The following AGBL4 variants were observed in gnomAD, a reference collection of about 807,000 sequenced individuals.
AGBL4 encodes AGBL carboxypeptidase 4.
Under a neutral mutation model 66.4 loss-of-function variants are expected in AGBL4, and 58 were observed. That is an observed-to-expected ratio of 0.87 (90% CI 0.71 to 1.09). AGBL4 has a LOEUF of 1.09. AGBL4 is among the 50% of genes least tolerant of loss of function. The probability of loss-of-function intolerance (pLI) is 0.00; values close to 1 mark genes in which losing one functional copy is unlikely to be tolerated. For missense variants in AGBL4, 579 were observed against 631.0 expected (o/e 0.92, Z 0.88); for synonymous variants, 234 against 222.9 (o/e 1.05, Z -0.44).
At chr1:49,429,226 T>C (rs1645730682) in intron 3 of AGBL4, among the ~76,000 whole-genome samples, 1 of 152,260 alleles carries the variant, frequency 6.6e-6, no homozygotes, top group South Asian at 2.1e-4. Flanking sequence ...AACAGCTCAG[T>C]CTCTGAAAAG....
intron 3 of AGBL4, among the ~76,000 whole-genome samples, chr1:49,545,139 T>G (rs1030096447): frequency 3.3e-5 from 5 of 152,206 alleles, no homozygotes; most frequent in African/African-American, 1.2e-4. Context: ...AAAAAAGTGA[T>G]GAGATGTCAC....
At chr1:48,630,797 C>T (rs575550046) in intron 9 of AGBL4, among the ~76,000 whole-genome samples, 1 of 152,230 alleles carries the variant, frequency 6.6e-6, no homozygotes, top group South Asian at 2.1e-4. Flanking sequence ...TCTGTCTGCC[C>T]CTGGTAACAG....
chr1:48,780,042 T>C (rs999170922), intron 6 of AGBL4, among the ~76,000 whole-genome samples: 1 of 151,854 alleles, frequency 6.6e-6, no homozygotes, highest in Admixed American at 6.6e-5. Context: ...ATTATTATTA[T>C]TACACTTTAA....
intron 3 of AGBL4, among the ~76,000 whole-genome samples, chr1:49,525,067 G>C (rs1650552386): frequency 6.6e-6 from 1 of 152,002 alleles, no homozygotes; most frequent in African/African-American, 2.4e-5. Context: ...ACCTTGCAAG[G>C]TTGCTGTTAG....
chr1:49,701,079 G>T (rs767681958), intron 2 of AGBL4, among the ~76,000 whole-genome samples: 1 of 151,906 alleles, frequency 6.6e-6, no homozygotes, highest in Non-Finnish European at 1.5e-5. Context: ...AATAAAAAGA[G>T]ATTGAATTCA....
chr1:49,495,061 C>A (rs183416311), intron 3 of AGBL4, among the ~76,000 whole-genome samples: 1 of 151,980 alleles, frequency 6.6e-6, no homozygotes, highest in Non-Finnish European at 1.5e-5. Flanking sequence ...CTATTGTCTC[C>A]TCAATATCCA....
chr1:49,949,322 C>T (rs12727183), intron 1 of AGBL4, among the ~76,000 whole-genome samples: 5 of 151,798 alleles, frequency 3.3e-5, no homozygotes, highest in Non-Finnish European at 7.4e-5. Context: ...GATTTCATGA[C>T]CAAGAACCCA....
intron 2 of AGBL4, among the ~76,000 whole-genome samples, chr1:49,751,434 C>G (rs1228955435): frequency 6.6e-6 from 1 of 152,162 alleles, no homozygotes; most frequent in African/African-American, 2.4e-5. Flanking sequence ...ATGAAGCCGA[C>G]TTGATCGTGG....
intron 8 of AGBL4, among the ~76,000 whole-genome samples, chr1:48,642,025 G>T (rs1645764440): frequency 6.6e-6 from 1 of 152,132 alleles, no homozygotes; most frequent in Non-Finnish European, 1.5e-5. Flanking sequence ...GCAATCAGGT[G>T]CCATTTCTGG....
At chr1:49,738,492 A>C (rs913295933) in intron 2 of AGBL4, among the ~76,000 whole-genome samples, 1 of 152,154 alleles carries the variant, frequency 6.6e-6, no homozygotes, top group African/African-American at 2.4e-5. Flanking sequence ...GGGCATAGCC[A>C]AACAAAAGGC....
chr1:48,830,142 A>G (rs1238650726), intron 6 of AGBL4, among the ~76,000 whole-genome samples: 1 of 152,186 alleles, frequency 6.6e-6, no homozygotes, highest in Non-Finnish European at 1.5e-5. Context: ...AATTCCATCT[A>G]TACTACTTAC....
chr1:49,228,292 A>G (rs950647720), intron 4 of AGBL4, among the ~76,000 whole-genome samples: 5 of 152,202 alleles, frequency 3.3e-5, no homozygotes, highest in African/African-American at 1.2e-4. Context: ...AACTTTGTGA[A>G]ACTTACATCT....
At chr1:49,461,397 T>C (rs1385156320) in intron 3 of AGBL4, among the ~76,000 whole-genome samples, 1 of 151,458 alleles carries the variant, frequency 6.6e-6, no homozygotes, top group African/African-American at 2.4e-5. Flanking sequence ...GCTGAGAATT[T>C]CCAGTGCATT....
intron 4 of AGBL4, among the ~76,000 whole-genome samples, chr1:49,182,078 AT>A (rs1646939633): frequency 6.6e-6 from 1 of 152,180 alleles, no homozygotes; most frequent in African/African-American, 2.4e-5. Flanking sequence ...GAATAGAAGA[AT>A]TGGACAAAAA....
intron 2 of AGBL4, chr1:49,846,241 TG>T (rs1646139519): frequency 2.7e-6 from 4 of 1,463,202 alleles, no homozygotes; most frequent in Admixed American, 3.4e-5. Context: ...AAAAGCCTTA[TG>T]AGTGTCACGA....
At chr1:48,750,734 G>A (rs1287157671) in intron 6 of AGBL4, among the ~76,000 whole-genome samples, 2 of 152,228 alleles carry the variant, frequency 1.3e-5, no homozygotes, top group Non-Finnish European at 2.9e-5. Flanking sequence ...AGGCTGCACT[G>A]GAAGGCAGTG....
chr1:49,346,232 C>T (rs555167165), intron 3 of AGBL4, among the ~76,000 whole-genome samples: 5 of 152,256 alleles, frequency 3.3e-5, no homozygotes, highest in East Asian at 1.9e-4. Flanking sequence ...ATTCTACTCT[C>T]GTCTGTTGTT....
At chr1:49,972,018 C>T (rs573348346) in intron 1 of AGBL4, among the ~76,000 whole-genome samples, 20 of 146,712 alleles carry the variant, frequency 1.4e-4, no homozygotes, top group African/African-American at 1.3e-4. Context: ...CCTACGTTCA[C>T]GCCATTCTCC....
chr1:49,832,819 C>G (rs993307262), intron 2 of AGBL4, among the ~76,000 whole-genome samples: 1 of 152,002 alleles, frequency 6.6e-6, no homozygotes, highest in Non-Finnish European at 1.5e-5. Context: ...CTGTTCATGT[C>G]CTTTGCCCAC....
Sources: gnomAD v4.1 joint callset for allele counts (sites outside exome capture counted in the v4.1 genomes callset) on GRCh38, gnomAD v4.1.1 for gene constraint, MANE v1.5 for transcripts, NCBI Gene and HGNC (gene_info 2026-07-23, HGNC 2026-07-21) for gene names.